The following SYPL2 variants were observed in gnomAD, a reference collection of about 807,000 sequenced individuals.
SYPL2 encodes the protein synaptophysin like 2.
In SYPL2, 24 loss-of-function variants were observed where a neutral mutation model predicts 31.3. The ratio of observed to expected loss-of-function variants is 0.77; its 90% CI spans 0.56 to 1.08. The LOEUF (loss-of-function observed/expected upper bound fraction) is 1.08, where lower values mean the gene tolerates loss of function less well. SYPL2 is among the 50% of genes least tolerant of loss of function. The pLI, the probability that SYPL2 is intolerant of heterozygous loss-of-function variation, is 0.00. For missense variants in SYPL2, 342 were observed against 360.1 expected (o/e 0.95, Z 0.41); for synonymous variants, 144 against 143.1 (o/e 1.01, Z -0.05).
At chr1:109,476,044 T>G (rs1354992955) in intron 3 of SYPL2, among the ~76,000 whole-genome samples, 1 of 152,198 alleles carries the variant, frequency 6.6e-6, no homozygotes, top group African/African-American at 2.4e-5. Flanking sequence ...TCTCTGACCC[T>G]CAGTAGCCTC....
At chr1:109,470,410 C>A (rs1311213811) in intron 2 of SYPL2, among the ~76,000 whole-genome samples, 1 of 152,170 alleles carries the variant, frequency 6.6e-6, no homozygotes, top group Non-Finnish European at 1.5e-5. Flanking sequence ...AGGATTATCA[C>A]CAGCGAGCAT....
At chr1:109,469,127 TA>T (rs1233716600) in intron 2 of SYPL2, among the ~76,000 whole-genome samples, 1 of 152,204 alleles carries the variant, frequency 6.6e-6, no homozygotes, top group Non-Finnish European at 1.5e-5. Context: ...ACATAAAAAG[TA>T]AACAGGCATT....
chr1:109,475,431 G>A, intron 2 of SYPL2, 150 bp from the exon 3 acceptor site: 1 of 1,094,062 alleles, frequency 9.1e-7, no homozygotes, highest in Non-Finnish European at 1.3e-6. Flanking sequence ...GAAGCCATGG[G>A]TTTCTACCTA....
chr1:109,468,613 C>G (rs1318360859), intron 2 of SYPL2, among the ~76,000 whole-genome samples: 1 of 152,116 alleles, frequency 6.6e-6, no homozygotes, highest in Non-Finnish European at 1.5e-5. Context: ...GCATCCAGAA[C>G]TGGAAGAGCC....
chr1:109,480,368 C>T lies in SYPL2; in HGVS notation c.*820C>T, dbSNP rs548635054. ...ACTTTAGAAACGCCCTATCTTCCTC[C>T]CTGTCCTCCTTCTTGGTCTCACACT... On this transcript the variant is annotated 3_prime_UTR_variant, in exon 6 of 6. Coordinates refer to ENST00000369872, the MANE Select transcript of SYPL2 (RefSeq NM_001040709.2). 2 of 152,402 alleles carry T rather than the reference C, an allele frequency of 1.3e-5. No individual in the cohort carries two copies. The highest frequency in any genetic ancestry group is 2.1e-4 in the South Asian group (1 of 4,830). 9.4% of individuals were successfully genotyped at this position (152,402 alleles called of 1,614,324 possible). A position where few individuals can be genotyped will look rare whatever the true frequency, so the allele number is the denominator to read the frequency against.
intron 2 of SYPL2, among the ~76,000 whole-genome samples, chr1:109,473,517 A>G (rs1189262273): frequency 6.6e-6 from 1 of 152,184 alleles, no homozygotes. Context: ...CCCAGTCAAG[A>G]GTACACTGAC....
Position 109,479,652 on chromosome 1 carries a change from A to AT in SYPL2, c.*106dup. 1 of 1,503,324 alleles carries AT rather than the reference A, an allele frequency of 6.7e-7. No homozygotes were observed. The highest frequency in any genetic ancestry group is 8.9e-7 in the Non-Finnish European group (1 of 1,120,736). The allele number at this position is 1,503,324 out of a possible 1,614,324, so 93.1% of individuals were successfully genotyped here. A position where few individuals can be genotyped will look rare whatever the true frequency, so the allele number is the denominator to read the frequency against. Reference sequence around the variant, plus strand: ...CCTCCTCCAATTCCCCTCCCCCATCATTCTGGTCTTTGAGCTTTGAGACGA... The same window carrying AT: ...CCTCCTCCAATTCCCCTCCCCCATCATTTCTGGTCTTTGAGCTTTGAGACGA... On this transcript the variant is annotated 3_prime_UTR_variant, in exon 6 of 6. Coordinates refer to ENST00000369872, the MANE Select transcript of SYPL2 (RefSeq NM_001040709.2).
At chr1:109,475,728 C>G in intron 3 of SYPL2, 23 bp downstream of exon 3, 1 of 1,605,216 alleles carries the variant, frequency 6.2e-7, no homozygotes. Flanking sequence ...TGGTTCCAAC[C>G]CAGCACATCA....
chr1:109,479,649 A>C lies in SYPL2; in HGVS notation c.*101A>C. ...CCTCCTCCTCCAATTCCCCTCCCCC[A>C]TCATTCTGGTCTTTGAGCTTTGAGA... is the stretch of plus-strand genomic sequence containing the variant. On this transcript the variant is annotated 3_prime_UTR_variant, in exon 6 of 6. Coordinates refer to ENST00000369872, the MANE Select transcript of SYPL2 (RefSeq NM_001040709.2). 1.3e-6 allele frequency: 2 copies of C among 1,500,970 alleles called. No homozygotes were observed. Among genetic ancestry groups the C allele is most frequent in the Non-Finnish European group, 1.8e-6 (2 of 1,115,780 alleles). The allele number at this position is 1,500,970 out of a possible 1,614,324, so 93.0% of individuals were successfully genotyped here.
In SYPL2 at chr1:109,478,165, T is replaced by C. The variant is rs550984223; in HGVS notation, c.648+156T>C. The C allele has an allele frequency of 2.1e-6, 3 of 1,428,646 alleles. No homozygotes were observed. The South Asian group carries it at 4.5e-5, about 21-fold the overall frequency. The allele number at this position is 1,428,646 out of a possible 1,614,324, so 88.5% of individuals were successfully genotyped here. A position where few individuals can be genotyped will look rare whatever the true frequency, so the allele number is the denominator to read the frequency against. On this transcript the variant is annotated intron_variant, in intron 5 of 5. Transcript: ENST00000369872. This position sits in a 1 kb window ranked among gnomAD's most constrained non-coding sequence, Gnocchi z 4.0. ...ACTGCGCTTCATGCTGGCTGCTGGCTCCTGGCTGACCCTGAGAGGACATTT... is the reference window on the plus strand; with the variant it reads ...ACTGCGCTTCATGCTGGCTGCTGGCCCCTGGCTGACCCTGAGAGGACATTT...
chr1:109,477,915 C>T lies in SYPL2; in HGVS notation c.554C>T (p.Ser185Phe), dbSNP rs1232807413. Residue 185 changes from serine (S) to phenylalanine (F), a missense_variant, in exon 5 of 6, where the codon TCC becomes TTC. By Grantham distance (155) the Ser-to-Phe change is radical. Transcript: ENST00000369872. Reference sequence around the variant, plus strand: ...GATGTCAAGGGGGCCACACGACCATCCAGCTTGACAGCAGCCATGTCAGTG... The same window carrying T: ...GATGTCAAGGGGGCCACACGACCATTCAGCTTGACAGCAGCCATGTCAGTG... ...LTDVKGATRP[S>F]SLTAAMSVCH... The T allele has an allele frequency of 6.2e-7, 1 of 1,614,140 alleles. No homozygotes were observed. Among genetic ancestry groups the T allele is most frequent in the Admixed American group, 1.7e-5 (1 of 60,016 alleles).
chr1:109,472,605 C>CT (rs59224604), intron 2 of SYPL2, among the ~76,000 whole-genome samples: 3,459 of 71,040 alleles, frequency 0.049, 316 homozygotes, highest in African/African-American at 0.19. Context: ...TTTTTCTTTA[C>CT]TTTTTTTTTT....
intron 4 of SYPL2, among the ~76,000 whole-genome samples, 190 bp downstream of exon 4, chr1:109,477,167 G>C (rs1291435525): frequency 1.3e-5 from 2 of 152,172 alleles, no homozygotes; most frequent in Non-Finnish European, 2.9e-5. Flanking sequence ...AGCAGGCTCT[G>C]GAGTTAGACT....
At chr1:109,472,657 C>G (rs1456181327) in intron 2 of SYPL2, among the ~76,000 whole-genome samples, 2 of 127,338 alleles carry the variant, frequency 1.6e-5, no homozygotes, top group Non-Finnish European at 3.2e-5. Flanking sequence ...TGTTGCCCAG[C>G]CTGGAGTGCA....
At position 109,466,910 on chromosome 1, in the gene SYPL2, C is replaced by G; in HGVS notation, c.54+13C>G. ...GCCGCGCCAGCAGGTAGTCCCTGCG[C>G]GCCCAGGACTCTCACCCGCCCCTCT... is the stretch of plus-strand genomic sequence containing the variant. On this transcript the variant is annotated intron_variant, in intron 1 of 5. Coordinates refer to ENST00000369872, the MANE Select transcript of SYPL2 (RefSeq NM_001040709.2). 1 of 1,530,758 alleles carries G rather than the reference C, an allele frequency of 6.5e-7. No individual in the cohort carries two copies. The highest frequency in any genetic ancestry group is 8.7e-7 in the Non-Finnish European group (1 of 1,144,118). 94.8% of individuals were successfully genotyped at this position (1,530,758 alleles called of 1,614,324 possible). A position where few individuals can be genotyped will look rare whatever the true frequency, so the allele number is the denominator to read the frequency against.
chr1:109,478,729 C>T lies in SYPL2; in HGVS notation c.649-649C>T, dbSNP rs1656073657. Among the ~76,000 whole-genome samples the T allele has an allele frequency of 6.6e-6, 1 of 152,170 alleles. No individual in the cohort carries two copies. Among genetic ancestry groups the T allele is most frequent in the Non-Finnish European group, 1.5e-5 (1 of 68,020 alleles). On this transcript the variant is annotated intron_variant, in intron 5 of 5. Transcript: ENST00000369872. The surrounding 1 kb of genome is among the most constrained non-coding windows in gnomAD (Gnocchi z 4.0). ...ATTGTAGAAATGTTCACAGGTACAA[C>T]AAAGTTGAAAGAATTTTACAGTGAA...
In SYPL2 at chr1:109,480,819, T is replaced by A. The variant is rs1170955193; in HGVS notation, c.*1271T>A. 1 of 152,722 alleles carries A rather than the reference T, an allele frequency of 6.5e-6. No homozygotes were observed. The highest frequency in any genetic ancestry group is 2.4e-5 in the African/African-American group (1 of 41,432). The allele number at this position is 152,722 out of a possible 1,614,324, so 9.5% of individuals were successfully genotyped here. A position where few individuals can be genotyped will look rare whatever the true frequency, so the allele number is the denominator to read the frequency against. Reference sequence around the variant, plus strand: ...GTGCTTCTTCACTTTGGGACCCAGTTCCATATTTGTCTTTAGTGTATATCC... The same window carrying A: ...GTGCTTCTTCACTTTGGGACCCAGTACCATATTTGTCTTTAGTGTATATCC... On this transcript the variant is annotated 3_prime_UTR_variant, in exon 6 of 6. Coordinates refer to ENST00000369872, the MANE Select transcript of SYPL2 (RefSeq NM_001040709.2).
chr1:109,467,105 C>T lies in SYPL2; in HGVS notation c.101C>T (p.Pro34Leu). 6.5e-7 allele frequency: 1 copy of T among 1,544,820 alleles called. No homozygotes were observed. Among genetic ancestry groups the T allele is most frequent in the Non-Finnish European group, 8.7e-7 (1 of 1,145,944 alleles). Residue 34 changes from proline to leucine, a missense_variant, in exon 2 of 6, where the codon CCG becomes CTG. Coordinates refer to ENST00000369872, the MANE Select transcript of SYPL2 (RefSeq NM_001040709.2). ...CTGCGCTGGCGGCGGCTGGAGGAGC[C>T]GCTGGGCTTCATCAAAGTTCTCCAG... is the stretch of plus-strand genomic sequence containing the variant. Reference protein sequence around the residue: ...VGLRWRRLEEPLGFIKVLQWL... With the variant: ...VGLRWRRLEELLGFIKVLQWL...
At chr1:109,477,086 T>A (rs911531944) in intron 4 of SYPL2, 109 bp downstream of exon 4, 7 of 1,313,890 alleles carry the variant, frequency 5.3e-6, no homozygotes, top group Non-Finnish European at 6.4e-6. Context: ...ACCCCCATGG[T>A]GGAACCTCTG....
Sources: gnomAD v4.1 joint callset for allele counts (sites outside exome capture counted in the v4.1 genomes callset) on GRCh38, gnomAD v4.1.1 for gene constraint, Gnocchi (gnomAD v3.1) non-coding constraint, MANE v1.5 for transcripts, NCBI Gene and HGNC (gene_info 2026-07-23, HGNC 2026-07-21) for gene names.